Variants in PRKCE observed in about 807,000 individuals in gnomAD.
PRKCE encodes the protein protein kinase C epsilon, also known as protein kinase C epsilon type.
PRKCE carries 16 observed loss-of-function variants against 85.4 expected under a neutral mutation model. That is an observed-to-expected ratio of 0.19 (90% confidence interval 0.13 to 0.28). PRKCE has a LOEUF of 0.28. Among genes scored for constraint, PRKCE ranks in the 10% least tolerant of loss-of-function variants. PRKCE has a pLI of 1.00. For missense variants in PRKCE, 573 were observed against 975.2 expected (o/e 0.59, Z 5.49); for synonymous variants, 388 against 371.5 (o/e 1.04, Z -0.51).
chr2:45,847,446 G>T (rs991283630), intron 2 of PRKCE, among the ~76,000 whole-genome samples: 15 of 152,210 alleles, frequency 9.9e-5, no homozygotes, highest in African/African-American at 2.9e-4. Flanking sequence ...ACTCAACTTT[G>T]CAACCTCTTC....
intron 1 of PRKCE, among the ~76,000 whole-genome samples, chr2:45,754,735 T>G (rs139239847): frequency 6.6e-6 from 1 of 152,364 alleles, no homozygotes; most frequent in Non-Finnish European, 1.5e-5. Flanking sequence ...GGTCCCTCGC[T>G]GCAATTTAAA....
chr2:45,842,844 G>C (rs571362433), intron 1 of PRKCE, among the ~76,000 whole-genome samples, 156 bp from the exon 2 acceptor site: 1 of 152,310 alleles, frequency 6.6e-6, no homozygotes, highest in African/African-American at 2.4e-5. Context: ...AGTCCTCCCA[G>C]GTCTGCATCT....
At chr2:45,834,213 T>G (rs1690663800) in intron 1 of PRKCE, among the ~76,000 whole-genome samples, 1 of 152,242 alleles carries the variant, frequency 6.6e-6, no homozygotes, top group Non-Finnish European at 1.5e-5. Flanking sequence ...AGATAATGGC[T>G]GCTGCTAACT....
intron 1 of PRKCE, among the ~76,000 whole-genome samples, chr2:45,838,368 C>T (rs115926362): frequency 9.2e-5 from 14 of 152,310 alleles, no homozygotes; most frequent in African/African-American, 3.1e-4. Flanking sequence ...GCTGAAAGCT[C>T]TCTAAGCCTG....
intron 2 of PRKCE, among the ~76,000 whole-genome samples, chr2:45,856,723 G>T (rs1393191408): frequency 6.6e-6 from 1 of 152,006 alleles, no homozygotes; most frequent in Admixed American, 6.5e-5. Context: ...ATTTTCCCCA[G>T]CCTCTGGTAG....
intron 2 of PRKCE, among the ~76,000 whole-genome samples, chr2:45,916,711 GC>G (rs1484841832): frequency 6.6e-6 from 1 of 152,158 alleles, no homozygotes; most frequent in Non-Finnish European, 1.5e-5. Context: ...ACACAATAAA[GC>G]CCGATTACAG....
At chr2:45,885,975 G>A (rs753580233) in intron 2 of PRKCE, among the ~76,000 whole-genome samples, 9 of 152,196 alleles carry the variant, frequency 5.9e-5, no homozygotes, top group Non-Finnish European at 1.0e-4. Context: ...AAGAATGTTA[G>A]ACCCACACCT....
chr2:45,949,402 G>GTTTTTTTTTTTTTTTTTTGTTTTT (rs35033431), intron 2 of PRKCE, among the ~76,000 whole-genome samples: 1 of 118,746 alleles, frequency 8.4e-6, no homozygotes, highest in Non-Finnish European at 1.7e-5. Flanking sequence ...TATTTTGCTT[G>GTTTTTTTTTTTTTTTTTTGTTTTT]TTTTTTTTTT....
At chr2:45,971,382 C>T (rs545236728) in intron 2 of PRKCE, among the ~76,000 whole-genome samples, 11 of 152,310 alleles carry the variant, frequency 7.2e-5, no homozygotes, top group African/African-American at 2.4e-4. Context: ...TGCATGAATA[C>T]ACCATATTTT....
intron 6 of PRKCE, among the ~76,000 whole-genome samples, chr2:45,997,634 C>T (rs866098678): frequency 1.3e-5 from 2 of 152,038 alleles, no homozygotes; most frequent in African/African-American, 2.4e-5. Context: ...ACAACCTCTG[C>T]CTCCCGAGTT....
At position 46,167,438 on chromosome 2, in the gene PRKCE, T is replaced by C. The variant is rs192079606; in HGVS notation, c.2067+7686T>C. Among the ~76,000 whole-genome samples, 1,116 of 152,234 alleles carry C rather than the reference T, an allele frequency of 7.3e-3. 4 individuals are homozygous for C. The highest frequency in any genetic ancestry group is 0.012 in the Non-Finnish European group (813 of 67,996). On this transcript the variant is annotated intron_variant, in intron 14 of 14. Coordinates refer to ENST00000306156, the MANE Select transcript of PRKCE (RefSeq NM_005400.3). ...ACAGGAGCCTGAGGCCAAGGGAGGCTGGACTGGACAACACTCCTGTCCCAA... is the reference window on the plus strand; with the variant it reads ...ACAGGAGCCTGAGGCCAAGGGAGGCCGGACTGGACAACACTCCTGTCCCAA...
intron 1 of PRKCE, among the ~76,000 whole-genome samples, chr2:45,829,052 G>A (rs1690187334): frequency 6.6e-6 from 1 of 151,764 alleles, no homozygotes; most frequent in Admixed American, 6.6e-5. Context: ...TGGCATGGTA[G>A]CTAATGGTTT....
At chr2:45,672,019 T>C (rs775014129) in intron 1 of PRKCE, among the ~76,000 whole-genome samples, 2 of 140,610 alleles carry the variant, frequency 1.4e-5, no homozygotes, top group Non-Finnish European at 3.0e-5. Flanking sequence ...GCCATGATTA[T>C]GCCACTGTAC....
Position 46,056,026 on chromosome 2 carries a change from T to G in PRKCE, c.1438-30182T>G, listed in dbSNP as rs373461417. ...AAAAATACAGGACTTCAGGGGTCCA[T>G]TTTTCTGGGTTTGAATCCTGGCTCT... On this transcript the variant is annotated intron_variant, in intron 10 of 14. Transcript: ENST00000306156. Among the ~76,000 whole-genome samples, 339 of 152,266 alleles carry G rather than the reference T, an allele frequency of 2.2e-3. 4 individuals carry two copies. Among genetic ancestry groups the G allele is most frequent in the African/African-American group, 7.7e-3 (319 of 41,538 alleles).
rs561234405 is a variant in PRKCE at position 46,168,146 on chromosome 2, G to T, written c.2067+8394G>T. On this transcript the variant is annotated intron_variant, in intron 14 of 14. Coordinates refer to ENST00000306156, the MANE Select transcript of PRKCE (RefSeq NM_005400.3). ...TCCCCTACCCCCACTCCAGGGAAGAGTGTGAGGCCTGGGCTGGCCTGGGCT... is the reference window on the plus strand; with the variant it reads ...TCCCCTACCCCCACTCCAGGGAAGATTGTGAGGCCTGGGCTGGCCTGGGCT... 9.3e-4 allele frequency among the ~76,000 whole-genome samples: 142 copies of T among 152,296 alleles called. 1 individual carries two copies. The highest frequency in any genetic ancestry group is 3.3e-3 in the African/African-American group (138 of 41,552).
At chr2:45,734,739 C>T (rs1231213592) in intron 1 of PRKCE, among the ~76,000 whole-genome samples, 3 of 152,058 alleles carry the variant, frequency 2.0e-5, no homozygotes, top group Admixed American at 6.5e-5. Context: ...ACTCACTCCC[C>T]AACTGCTGGG....
intron 1 of PRKCE, among the ~76,000 whole-genome samples, chr2:45,719,730 C>G (rs79313488): frequency 2.0e-5 from 3 of 152,170 alleles, no homozygotes; most frequent in East Asian, 1.9e-4. Flanking sequence ...CTAGATCAAA[C>G]AAAATCATAA....
At chr2:45,691,574 A>G (rs962188541) in intron 1 of PRKCE, among the ~76,000 whole-genome samples, 1 of 152,242 alleles carries the variant, frequency 6.6e-6, no homozygotes, top group Non-Finnish European at 1.5e-5. Context: ...CAGTTCAGGC[A>G]TCCGCTTCGT....
chr2:46,026,248 T>C (rs1403669759), intron 10 of PRKCE, among the ~76,000 whole-genome samples: 1 of 152,038 alleles, frequency 6.6e-6, no homozygotes, highest in Non-Finnish European at 1.5e-5. Context: ...TATACGAAGT[T>C]AGAGGGTATA....
Sources: allele counts gnomAD v4.1 joint callset (sites outside exome capture counted in the v4.1 genomes callset), GRCh38; gene constraint gnomAD v4.1.1; transcripts MANE v1.5; gene names NCBI Gene and HGNC (gene_info 2026-07-23, HGNC 2026-07-21).